NTRK2: variants seen among roughly 807,000 people sequenced by gnomAD.
NTRK2 encodes neurotrophic receptor tyrosine kinase 2, also known as BDNF/NT-3 growth factors receptor.
In NTRK2, 13 loss-of-function variants were observed where a neutral mutation model predicts 94.5. The ratio of observed to expected loss-of-function variants is 0.14; its 90% CI spans 0.09 to 0.22. The LOEUF is 0.22. Ranked by LOEUF, NTRK2 falls within the 10% of genes least tolerant of loss-of-function variation. NTRK2 has a pLI of 1.00. For synonymous variants in NTRK2, 372 were observed against 407.4 expected, an observed-to-expected ratio of 0.91 and a Z score of 1.05; for missense variants, 639 against 1,071.2, an observed-to-expected ratio of 0.60 and a Z score of 5.63.
rs148200250 is a variant in NTRK2, at chr9:84,785,281, C to T, written c.1396+33196C>T. 1.2e-4 allele frequency among the ~76,000 whole-genome samples: 19 copies of T among 152,246 alleles called. No homozygotes were observed. The East Asian group carries it at 3.1e-3, about 25-fold the overall frequency. On this transcript the variant is annotated intron_variant, in intron 12 of 18. Transcript: ENST00000277120. Reference sequence around the variant, plus strand: ...ATGGTAAATTCAAAACCAAAACTTGCGTCATAGGTAAAAACCAACTATTTG... The same window carrying T: ...ATGGTAAATTCAAAACCAAAACTTGTGTCATAGGTAAAAACCAACTATTTG...
intron 17 of NTRK2, among the ~76,000 whole-genome samples, chr9:85,007,131 C>A (rs1278849655): frequency 6.6e-6 from 1 of 152,262 alleles, no homozygotes; most frequent in Non-Finnish European, 1.5e-5. Context: ...CCTCAGCTTA[C>A]AGCTGACTGG....
chr9:85,017,199 G>A (rs118154696), intron 17 of NTRK2, among the ~76,000 whole-genome samples: 2,052 of 152,284 alleles, frequency 0.013, 24 homozygotes, highest in Non-Finnish European at 0.023. Flanking sequence ...GTAAGAGAGT[G>A]AAGGTTCCAG....
chr9:84,724,328 T>C lies in NTRK2; in HGVS notation c.825T>C (p.Asp275=). 1 of 1,614,156 alleles carries C rather than the reference T, an allele frequency of 6.2e-7. No individual in the cohort carries two copies. Among genetic ancestry groups the C allele is most frequent in the Non-Finnish European group, 8.5e-7 (1 of 1,179,996 alleles). The change falls in exon 8 of 19, where the codon GAT becomes GAC. Residue 275 remains aspartate (D), a synonymous_variant. Transcript: ENST00000277120. ...SCVAENLVGE[D]QDSVNLTVHF... is the part of the protein sequence containing the mutation. ...TGGCGGAAAATCTTGTAGGAGAAGA[T>C]CAAGATTCTGTCAACCTCACTGTGC...
At chr9:84,844,104 C>A (rs1219174052) in intron 12 of NTRK2, among the ~76,000 whole-genome samples, 1 of 152,126 alleles carries the variant, frequency 6.6e-6, no homozygotes, top group African/African-American at 2.4e-5. Flanking sequence ...TAATGTGAAG[C>A]CATTGATCCA....
At chr9:84,690,815 A>G (rs978690889) in intron 2 of NTRK2, among the ~76,000 whole-genome samples, 6 of 152,192 alleles carry the variant, frequency 3.9e-5, no homozygotes, top group African/African-American at 7.2e-5. Flanking sequence ...TTAATAAATC[A>G]TAGATGAAAC....
At chr9:84,938,412 G>A (rs1443395012) in intron 15 of NTRK2, among the ~76,000 whole-genome samples, 1 of 152,170 alleles carries the variant, frequency 6.6e-6, no homozygotes, top group Non-Finnish European at 1.5e-5. Context: ...CCACGCATCA[G>A]CTCTCAGTTC....
intron 14 of NTRK2, chr9:84,871,643 C>T (rs535466247): frequency 6.4e-6 from 5 of 775,680 alleles, no homozygotes; most frequent in Admixed American, 1.7e-5. Flanking sequence ...AATTATATCC[C>T]TTGAAGTATG....
chr9:84,957,986 G>C (rs1824370663), intron 17 of NTRK2, among the ~76,000 whole-genome samples: 1 of 152,190 alleles, frequency 6.6e-6, no homozygotes, highest in Admixed American at 6.5e-5. Context: ...AAAGAAGTCA[G>C]ACACAAAAGG....
chr9:84,797,627 T>TAC (rs1223763728), intron 12 of NTRK2, among the ~76,000 whole-genome samples: 40 of 59,160 alleles, frequency 6.8e-4, no homozygotes, highest in Admixed American at 1.9e-3. Flanking sequence ...ATACTATATA[T>TAC]TATATATTAT....
At chr9:84,972,869 C>T (rs1826348212) in intron 17 of NTRK2, among the ~76,000 whole-genome samples, 1 of 152,096 alleles carries the variant, frequency 6.6e-6, no homozygotes, top group South Asian at 2.1e-4. Context: ...CCCAAAAACC[C>T]ATATGAGCAG....
At chr9:84,834,921 A>G (rs1420516040) in intron 12 of NTRK2, among the ~76,000 whole-genome samples, 1 of 152,254 alleles carries the variant, frequency 6.6e-6, no homozygotes, top group Non-Finnish European at 1.5e-5. Flanking sequence ...TAGCTGGTCC[A>G]GCTCATGCAA....
intron 17 of NTRK2, among the ~76,000 whole-genome samples, chr9:84,997,740 C>CAGCT (rs1359445957): frequency 1.3e-5 from 2 of 152,134 alleles, no homozygotes; most frequent in Admixed American, 1.3e-4. Flanking sequence ...GGCTAAGCTG[C>CAGCT]AGCTGCTTAA....
chr9:84,769,321 G>A (rs1293435768), intron 12 of NTRK2, among the ~76,000 whole-genome samples: 1 of 152,152 alleles, frequency 6.6e-6, no homozygotes, highest in African/African-American at 2.4e-5. Flanking sequence ...TAGTACATTA[G>A]TTAATCCTAA....
intron 12 of NTRK2, among the ~76,000 whole-genome samples, chr9:84,850,926 G>A (rs1005420620): frequency 6.6e-5 from 10 of 152,206 alleles, no homozygotes; most frequent in Non-Finnish European, 1.3e-4. Context: ...TAGTGACCAT[G>A]AGCATAGGCA....
intron 12 of NTRK2, among the ~76,000 whole-genome samples, chr9:84,807,965 C>T (rs1342027730): frequency 6.6e-6 from 1 of 152,148 alleles, no homozygotes; most frequent in Admixed American, 6.6e-5. Flanking sequence ...ATGCATATTG[C>T]TTACAATTGC....
intron 9 of NTRK2, 72 bp downstream of exon 9, chr9:84,728,031 T>C: frequency 7.1e-7 from 1 of 1,413,338 alleles, no homozygotes; most frequent in African/African-American, 1.4e-5. Flanking sequence ...AAATCATGTA[T>C]ACAATAAGCC....
At chr9:84,926,169 C>CCTTGCTTGCTTT (rs2077790007) in intron 14 of NTRK2, among the ~76,000 whole-genome samples, 6 of 38,514 alleles carry the variant, frequency 1.6e-4, no homozygotes, top group African/African-American at 5.5e-4. Context: ...TTCCTTCCTT[C>CCTTGCTTGCTTT]CTTTCTTTCT....
intron 12 of NTRK2, among the ~76,000 whole-genome samples, chr9:84,784,376 G>C (rs2067917409): frequency 1.3e-5 from 2 of 152,162 alleles, no homozygotes; most frequent in Non-Finnish European, 2.9e-5. Flanking sequence ...GAAACTGTAT[G>C]TTATTGTTAA....
chr9:84,870,487 C>A (rs989285037), intron 14 of NTRK2, among the ~76,000 whole-genome samples: 1 of 150,246 alleles, frequency 6.7e-6, no homozygotes, highest in East Asian at 2.0e-4. Context: ...TAGGTACACA[C>A]CGTCATGTCT....
Sources: allele counts gnomAD v4.1 joint callset (sites outside exome capture counted in the v4.1 genomes callset), GRCh38; gene constraint gnomAD v4.1.1; transcripts MANE v1.5; gene names NCBI Gene and HGNC (gene_info 2026-07-23, HGNC 2026-07-21).